The following PTPN9 variants were observed in gnomAD, a reference collection of about 807,000 sequenced individuals.
The protein encoded by PTPN9 is protein tyrosine phosphatase non-receptor type 9.
Under a neutral mutation model 69.8 loss-of-function variants are expected in PTPN9, and 26 were observed. That is an observed-to-expected ratio of 0.37 (90% confidence interval 0.27 to 0.52). The LOEUF is 0.52. Ranked by LOEUF, PTPN9 falls within the 20% of genes least tolerant of loss-of-function variation. The probability of loss-of-function intolerance (pLI) is 0.91; values close to 1 mark genes in which losing one functional copy is unlikely to be tolerated. For missense variants in PTPN9, 549 were observed against 740.3 expected (o/e 0.74, Z 3.00); for synonymous variants, 274 against 272.5 (o/e 1.01, Z -0.05).
chr15:75,538,892 G>A (rs2074996503), intron 1 of PTPN9, among the ~76,000 whole-genome samples: 1 of 152,088 alleles, frequency 6.6e-6, no homozygotes, highest in Non-Finnish European at 1.5e-5. Context: ...AACTGGGGCT[G>A]GGTGTAATGC....
chr15:75,514,811 A>T (rs965095627), intron 5 of PTPN9, among the ~76,000 whole-genome samples: 1 of 152,218 alleles, frequency 6.6e-6, no homozygotes, highest in Non-Finnish European at 1.5e-5. Flanking sequence ...GATATAGTTA[A>T]TTTCACTAAT....
chr15:75,495,700 TCAAAACAACAACCACAACAACAAAA>T (rs1356411375), intron 7 of PTPN9, among the ~76,000 whole-genome samples: 3 of 148,320 alleles, frequency 2.0e-5, no homozygotes, highest in African/African-American at 7.5e-5. Context: ...CTGGGCAACA[TCAAAACAACAACCACAACAACAAAA>T]CAAAACAACA....
chr15:75,497,802 CAAAAA>C (rs879944894), intron 7 of PTPN9, among the ~76,000 whole-genome samples: 1 of 72,236 alleles, frequency 1.4e-5, no homozygotes, highest in African/African-American at 5.0e-5. Context: ...AACTCTGTCT[CAAAAA>C]AAAAAAAAAA....
At position 75,578,845 on chromosome 15, in the gene PTPN9, C is replaced by G; in HGVS notation, c.-69G>C. On this transcript the variant is annotated 5_prime_UTR_variant, in exon 1 of 13. Coordinates refer to ENST00000618819, the MANE Select transcript of PTPN9 (RefSeq NM_002833.4). ...GCGGGAGCCCGGCGCGCTCGGCCTCCGCTTCCGCGTCCCCGCGCCTCAGCA... is the reference window on the plus strand; with the variant it reads ...GCGGGAGCCCGGCGCGCTCGGCCTCGGCTTCCGCGTCCCCGCGCCTCAGCA... 1 of 1,072,772 alleles carries G rather than the reference C, an allele frequency of 9.3e-7. No individual in the cohort carries two copies. The highest frequency in any genetic ancestry group is 1.2e-6 in the Non-Finnish European group (1 of 855,954). 66.5% of individuals were successfully genotyped at this position (1,072,772 alleles called of 1,614,324 possible).
chr15:75,555,342 C>T (rs548239631), intron 1 of PTPN9, among the ~76,000 whole-genome samples: 29 of 152,118 alleles, frequency 1.9e-4, no homozygotes, highest in African/African-American at 7.0e-4. Context: ...ACAACAGCAC[C>T]CTAGATATTC....
intron 1 of PTPN9, among the ~76,000 whole-genome samples, chr15:75,563,895 T>C (rs993554715): frequency 4.6e-5 from 7 of 152,072 alleles, no homozygotes; most frequent in African/African-American, 9.7e-5. Flanking sequence ...GAACAAACTA[T>C]ATTTCTGCTT....
chr15:75,507,826 T>G (rs1472124149), intron 6 of PTPN9, among the ~76,000 whole-genome samples: 1 of 151,796 alleles, frequency 6.6e-6, no homozygotes, highest in Non-Finnish European at 1.5e-5. Flanking sequence ...GGGCGGATCA[T>G]GAGGTCAGGA....
intron 7 of PTPN9, among the ~76,000 whole-genome samples, chr15:75,504,370 C>T (rs1315135855): frequency 5.5e-4 from 60 of 109,358 alleles, no homozygotes; most frequent in Admixed American, 7.0e-4. Flanking sequence ...CCACCCCGTC[C>T]GGGAGGGAGG....
chr15:75,524,607 G>C (rs546230156), intron 2 of PTPN9, among the ~76,000 whole-genome samples: 7 of 151,940 alleles, frequency 4.6e-5, no homozygotes, highest in African/African-American at 1.4e-4. Context: ...GTGAAACCTT[G>C]TCTCGGCTAA....
chr15:75,506,542 C>T (rs1294108753), intron 6 of PTPN9, among the ~76,000 whole-genome samples: 1 of 151,980 alleles, frequency 6.6e-6, no homozygotes, highest in Non-Finnish European at 1.5e-5. Flanking sequence ...CAGGGTCTCA[C>T]TTTTTCACCC....
At chr15:75,492,084 G>A (rs897324216) in intron 7 of PTPN9, among the ~76,000 whole-genome samples, 14 of 151,980 alleles carry the variant, frequency 9.2e-5, no homozygotes, top group African/African-American at 1.2e-4. Context: ...CATTGCCCAG[G>A]CTGGTCTCAA....
intron 7 of PTPN9, 76 bp downstream of exon 7, chr15:75,505,599 G>T (rs961147575): frequency 9.3e-7 from 1 of 1,078,398 alleles, no homozygotes; most frequent in East Asian, 2.4e-5. Context: ...GCAAGTGAGG[G>T]GTGGAAGGAG....
intron 1 of PTPN9, among the ~76,000 whole-genome samples, chr15:75,559,472 C>T (rs2075093815): frequency 2.0e-5 from 3 of 152,158 alleles, no homozygotes. Flanking sequence ...TGACCTTGCC[C>T]CCAGCCCGAT....
At chr15:75,548,654 T>TTA (rs2075044410) in intron 1 of PTPN9, among the ~76,000 whole-genome samples, 1 of 142,388 alleles carries the variant, frequency 7.0e-6, no homozygotes, top group Non-Finnish European at 1.5e-5. Context: ...AAGGGGAAAT[T>TTA]TTTTTTTTTT....
intron 7 of PTPN9, among the ~76,000 whole-genome samples, chr15:75,495,278 C>T (rs1176103978): frequency 6.6e-6 from 1 of 151,788 alleles, no homozygotes; most frequent in Non-Finnish European, 1.5e-5. Context: ...TAACCAACCA[C>T]AGTTTAGACT....
At chr15:75,516,026 AT>A (rs1045179885) in intron 5 of PTPN9, among the ~76,000 whole-genome samples, 3 of 152,126 alleles carry the variant, frequency 2.0e-5, no homozygotes, top group Non-Finnish European at 4.4e-5. Context: ...AGGGGAAAAA[AT>A]ATTTAAAAAG....
At chr15:75,575,408 G>C (rs905304202) in intron 1 of PTPN9, among the ~76,000 whole-genome samples, 3 of 152,056 alleles carry the variant, frequency 2.0e-5, no homozygotes, top group African/African-American at 7.2e-5. Context: ...GCTATTTACA[G>C]AAATCAAACT....
At chr15:75,497,069 A>G (rs1469680101) in intron 7 of PTPN9, among the ~76,000 whole-genome samples, 1 of 152,238 alleles carries the variant, frequency 6.6e-6, no homozygotes, top group East Asian at 1.9e-4. Context: ...ATATAACAGT[A>G]TAAACAAAAT....
chr15:75,473,735 G>A lies in PTPN9; in HGVS notation c.1162C>T (p.Leu388Phe). 1 of 1,585,612 alleles carries A rather than the reference G, an allele frequency of 6.3e-7. No individual in the cohort carries two copies. The highest frequency in any genetic ancestry group is 8.7e-7 in the Non-Finnish European group (1 of 1,154,056). Reference sequence around the variant, plus strand: ...AAGACTTTTTGCTCCCATACCATGAGCCAGAAATCACGATAGGTATTCTCC... The same window carrying A: ...AAGACTTTTTGCTCCCATACCATGAACCAGAAATCACGATAGGTATTCTCC... ...PLENTYRDFW[L>F]MVWEQKVLVI... The change falls in exon 10 of 13, where the codon CTC (leucine) becomes TTC (phenylalanine). Residue 388 changes from leucine to phenylalanine, a missense_variant. Transcript: ENST00000618819.
Sources: allele counts gnomAD v4.1 joint callset (sites outside exome capture counted in the v4.1 genomes callset), GRCh38; gene constraint gnomAD v4.1.1; transcripts MANE v1.5; gene names NCBI Gene and HGNC (gene_info 2026-07-23, HGNC 2026-07-21).